ZNF541: variants seen among roughly 807,000 people sequenced by gnomAD.
ZNF541 encodes the protein zinc finger protein 541.
ZNF541 carries 23 observed loss-of-function variants against 123.5 expected under a neutral mutation model. The observed-to-expected ratio is 0.19, with a 90% CI of 0.13 to 0.26. The LOEUF (loss-of-function observed/expected upper bound fraction) is 0.26, where lower values mean the gene tolerates loss of function less well. Ranked by LOEUF, ZNF541 falls within the 10% of genes least tolerant of loss-of-function variation. The pLI is 1.00. For synonymous variants in ZNF541, 751 were observed against 754.5 expected, an observed-to-expected ratio of 1.00 and a Z score of 0.08; for missense variants, 1,612 against 1,789.9, an observed-to-expected ratio of 0.90 and a Z score of 1.79.
rs1189094794 is a variant in ZNF541, at chr19:47,545,776, G to T, written c.753C>A (p.Pro251=). The part of the protein sequence containing the change: ...HAHESAGQPP[P]SSLRSLVPPE... Reference sequence around the variant, plus strand: ...GGGGCACCAGGGACCGCAGGCTGCTGGGGGGCGGCTGGCCGGCCGACTCGT... The same window carrying T: ...GGGGCACCAGGGACCGCAGGCTGCTTGGGGGCGGCTGGCCGGCCGACTCGT... The change falls in exon 5 of 17, where the codon CCC becomes CCA. Residue 251 remains proline, a synonymous_variant. Coordinates refer to ENST00000391901, the MANE Select transcript of ZNF541 (RefSeq NM_001277075.3). The surrounding 1 kb of genome is among the most constrained non-coding windows in gnomAD (Gnocchi z 7.5). 21 of 1,539,718 alleles carry T rather than the reference G, an allele frequency of 1.4e-5. No individual in the cohort carries two copies. Among genetic ancestry groups the T allele is most frequent in the Non-Finnish European group, 1.8e-5 (21 of 1,143,196 alleles).
At chr19:47,566,266 G>C (rs183374625) in intron 2 of ZNF541, among the ~76,000 whole-genome samples, 1 of 152,072 alleles carries the variant, frequency 6.6e-6, no homozygotes, top group Non-Finnish European at 1.5e-5. Flanking sequence ...GAAATGCTAC[G>C]ACCTTTTGGG....
Position 47,532,795 on chromosome 19 carries a change from G to A in ZNF541, c.3158+114C>T, listed in dbSNP as rs922343327. 5 of 876,968 alleles carry A rather than the reference G, an allele frequency of 5.7e-6. No individual in the cohort carries two copies. The South Asian group carries it at 7.9e-5, about 14-fold the overall frequency. 54.3% of individuals were successfully genotyped at this position (876,968 alleles called of 1,614,324 possible). Reference sequence around the variant, plus strand: ...AAAAATCTACCGCTTCACGCCTAGGGAGCCTATGTGAGTAAACCTGAACCC... The same window carrying A: ...AAAAATCTACCGCTTCACGCCTAGGAAGCCTATGTGAGTAAACCTGAACCC... On this transcript the variant is annotated intron_variant, in intron 10 of 16. Transcript: ENST00000391901.
chr19:47,538,439 C>G lies in ZNF541; in HGVS notation c.2797G>C (p.Gly933Arg). ...CGCTCCTCCCCGTCTTTCTCTTGTCCCTGAAGAAGTTTAGAACCACAGGTG... is the reference window on the plus strand; with the variant it reads ...CGCTCCTCCCCGTCTTTCTCTTGTCGCTGAAGAAGTTTAGAACCACAGGTG... ...VTRHIGSMAM[G>R]QEKDGEERDS... Residue 933 changes from glycine (G) to arginine (R), a missense_variant and splice_region_variant, in exon 9 of 17, where the codon GGA becomes CGA. Gly to Arg is a moderately radical substitution (Grantham distance 125, BLOSUM62 -2). This residue lies in a region of ZNF541 where 1,080 missense variants were observed against 1,013.8 expected (regional missense o/e 1.07). Coordinates refer to ENST00000391901, the MANE Select transcript of ZNF541 (RefSeq NM_001277075.3). 1 of 1,502,698 alleles carries G rather than the reference C, an allele frequency of 6.7e-7. No homozygotes were observed. 93.1% of individuals were successfully genotyped at this position (1,502,698 alleles called of 1,614,324 possible).
intron 12 of ZNF541, among the ~76,000 whole-genome samples, chr19:47,531,302 G>A (rs777732266): frequency 1.2e-4 from 18 of 144,002 alleles, no homozygotes; most frequent in Non-Finnish European, 2.4e-4. Context: ...GTATATATAA[G>A]TTTTCAATTG....
intron 5 of ZNF541, among the ~76,000 whole-genome samples, chr19:47,543,583 C>G (rs1970174374): frequency 6.7e-6 from 1 of 149,740 alleles, no homozygotes. Context: ...AAAAAAAAAG[C>G]AAAAAAGGCT....
chr19:47,569,253 A>T (rs1467510219), intron 2 of ZNF541, among the ~76,000 whole-genome samples: 1 of 151,538 alleles, frequency 6.6e-6, no homozygotes, highest in Non-Finnish European at 1.5e-5. Flanking sequence ...CATCATTGTA[A>T]TAATAATAAT....
intron 14 of ZNF541, among the ~76,000 whole-genome samples, chr19:47,524,691 T>C (rs1245627476): frequency 1.5e-5 from 2 of 135,472 alleles, no homozygotes; most frequent in Admixed American, 8.0e-5. Context: ...CTGGGTGACA[T>C]AGCGAGACTC....
chr19:47,545,601 G>A lies in ZNF541; in HGVS notation c.928C>T (p.Pro310Ser). Residue 310 changes from proline (P) to serine (S), a missense_variant, in exon 5 of 17, where the codon CCC becomes TCC. By Grantham distance (74) the Pro-to-Ser change is moderately conservative. This residue lies in a region of ZNF541 where 1,080 missense variants were observed against 1,013.8 expected (regional missense o/e 1.07). Coordinates refer to ENST00000391901, the MANE Select transcript of ZNF541 (RefSeq NM_001277075.3). This position sits in a 1 kb window ranked among gnomAD's most constrained non-coding sequence, Gnocchi z 7.5. ...SEGRNTACPC[P>S]ASSGSSSCTP... is the part of the protein sequence containing the mutation. ...CAGGACGAGGACCCCGATGAGGCGG[G>A]GCAGGGACAGGCAGTGTTCCTCCCT... The A allele has an allele frequency of 6.5e-7, 1 of 1,547,652 alleles. No individual in the cohort carries two copies. The highest frequency in any genetic ancestry group is 8.7e-7 in the Non-Finnish European group (1 of 1,144,680).
intron 2 of ZNF541, among the ~76,000 whole-genome samples, chr19:47,570,897 G>A (rs1050522347): frequency 1.8e-4 from 27 of 149,336 alleles, no homozygotes; most frequent in African/African-American, 4.7e-4. Flanking sequence ...GCAGTGAGCC[G>A]AGATCGCACC....
chr19:47,531,556 C>CA, intron 12 of ZNF541, 86 bp downstream of exon 12: 1 of 1,102,094 alleles, frequency 9.1e-7, no homozygotes, highest in Non-Finnish European at 1.3e-6. Flanking sequence ...TCCATCCGCT[C>CA]TGAACCCCCA....
chr19:47,545,490 T>A lies in ZNF541; in HGVS notation c.1039A>T (p.Thr347Ser). The A allele has an allele frequency of 2.0e-6, 3 of 1,493,800 alleles. No homozygotes were observed. The highest frequency in any genetic ancestry group is 2.7e-6 in the Non-Finnish European group (3 of 1,118,528). 92.5% of individuals were successfully genotyped at this position (1,493,800 alleles called of 1,614,324 possible). A position where few individuals can be genotyped will look rare whatever the true frequency, so the allele number is the denominator to read the frequency against. Residue 347 changes from threonine to serine, a missense_variant, in exon 5 of 17, where the codon ACT becomes TCT. Physicochemically the swap from Thr to Ser is moderately conservative, Grantham distance 58. Coordinates refer to ENST00000391901, the MANE Select transcript of ZNF541 (RefSeq NM_001277075.3). The surrounding 1 kb of genome is among the most constrained non-coding windows in gnomAD (Gnocchi z 7.5). ...EPCLPQKEPA[T>S]DVFTAPNSRA... ...GAATTAGGGGCTGTGAACACGTCAG[T>A]GGCCGGCTCTTTCTGTGGGAGGCAA...
In ZNF541 at chr19:47,544,537, A is replaced by G; in HGVS notation, c.1992T>C (p.Ser664=). Reference sequence around the variant, plus strand: ...TGTCTGGATTCCTGGAAGGGTCCAGAGACGGTGCTGCAAGGGGCGTTGGAA... The same window carrying G: ...TGTCTGGATTCCTGGAAGGGTCCAGGGACGGTGCTGCAAGGGGCGTTGGAA... ...AAVPTPLAAP[S]LDPSRNPDIS... Residue 664 remains serine, a synonymous_variant, in exon 5 of 17, where the codon TCT becomes TCC. Coordinates refer to ENST00000391901, the MANE Select transcript of ZNF541 (RefSeq NM_001277075.3). The G allele has an allele frequency of 1.3e-6, 2 of 1,551,550 alleles. No homozygotes were observed. The highest frequency in any genetic ancestry group is 1.7e-6 in the Non-Finnish European group (2 of 1,146,978).
chr19:47,563,811 G>T (rs2075278756), intron 2 of ZNF541, among the ~76,000 whole-genome samples: 1 of 152,044 alleles, frequency 6.6e-6, no homozygotes, highest in Non-Finnish European at 1.5e-5. Context: ...TCACCACGCT[G>T]GTCAGGCTGG....
intron 2 of ZNF541, among the ~76,000 whole-genome samples, chr19:47,568,499 A>C (rs1971352731): frequency 6.6e-6 from 1 of 151,886 alleles, no homozygotes; most frequent in Non-Finnish European, 1.5e-5. Context: ...ATGTGCCACC[A>C]CACCTGGCTA....
At chr19:47,531,460 T>C (rs1012961382) in intron 12 of ZNF541, among the ~76,000 whole-genome samples, 182 bp downstream of exon 12, 4 of 151,952 alleles carry the variant, frequency 2.6e-5, no homozygotes, top group Non-Finnish European at 5.9e-5. Flanking sequence ...TGGGCCCACG[T>C]CTTAGCATTC....
In ZNF541 at chr19:47,544,660, G is replaced by T; in HGVS notation, c.1869C>A (p.Ser623=). 1 of 1,541,190 alleles carries T rather than the reference G, an allele frequency of 6.5e-7. No individual in the cohort carries two copies. Among genetic ancestry groups the T allele is most frequent in the Non-Finnish European group, 8.7e-7 (1 of 1,143,642 alleles). The stretch of plus-strand genomic sequence containing the variant: ...GTGTGGTTTTTCTCCTGCGGGCTGG[G>T]GAGCCCTCTGCCTCGGGGTTTCCAG... ...AGPGNPEAEG[S]PARRRKTTPG... The change falls in exon 5 of 17, where the codon TCC becomes TCA. Residue 623 remains serine (S), a synonymous_variant. Coordinates refer to ENST00000391901, the MANE Select transcript of ZNF541 (RefSeq NM_001277075.3).
At chr19:47,527,755 A>G (rs926438043) in intron 14 of ZNF541, among the ~76,000 whole-genome samples, 3 of 151,470 alleles carry the variant, frequency 2.0e-5, no homozygotes, top group African/African-American at 7.3e-5. Context: ...GCTGGAGTGC[A>G]GTGGCGAGAT....
chr19:47,555,243 G>A lies in ZNF541; in HGVS notation c.307+307C>T, dbSNP rs537616922. Among the ~76,000 whole-genome samples the A allele has an allele frequency of 2.7e-4, 41 of 151,770 alleles. 2 individuals are homozygous for A. In the South Asian group the frequency reaches 3.3e-3, roughly 12 times the overall value. On this transcript the variant is annotated intron_variant, in intron 3 of 16. Coordinates refer to ENST00000391901, the MANE Select transcript of ZNF541 (RefSeq NM_001277075.3). ...AAATTAGCCGGGCGTGGTGGCGGGC[G>A]CCTGTAGTCCCAGCTACTCCGGAGG...
intron 9 of ZNF541, among the ~76,000 whole-genome samples, chr19:47,536,659 G>A (rs547709443): frequency 5.9e-5 from 9 of 152,298 alleles, no homozygotes; most frequent in East Asian, 5.8e-4. Context: ...ACTCTGGGCC[G>A]AAGCAGAAGG....
Sources: allele counts gnomAD v4.1 joint callset (sites outside exome capture counted in the v4.1 genomes callset), GRCh38; gene constraint gnomAD v4.1.1; regional missense constraint gnomAD v4.1.1; non-coding constraint Gnocchi (gnomAD v3.1); transcripts MANE v1.5; gene names NCBI Gene and HGNC (gene_info 2026-07-23, HGNC 2026-07-21).